Variants in KIAA1217 observed in about 807,000 individuals in gnomAD.
The protein encoded by KIAA1217 is KIAA1217, also known as sickle tail protein homolog.
KIAA1217 carries 88 observed loss-of-function variants against 163.9 expected under a neutral mutation model. The observed-to-expected ratio is 0.54, with a 90% CI of 0.45 to 0.64. KIAA1217 has a LOEUF of 0.64. Ranked by LOEUF, KIAA1217 falls within the 30% of genes least tolerant of loss-of-function variation. The pLI is 0.00. For synonymous variants in KIAA1217, 903 were observed against 923.1 expected (o/e 0.98, Z 0.39); for missense variants, 2,372 against 2,475.0 (o/e 0.96, Z 0.88).
In KIAA1217 at chr10:24,527,925, T is replaced by C. The variant is rs1429806642; in HGVS notation, c.2899-11T>C. 3.1e-6 allele frequency: 5 copies of C among 1,611,500 alleles called. No individual in the cohort carries two copies. Among genetic ancestry groups the C allele is most frequent in the Middle Eastern group, 1.7e-4 (1 of 6,060 alleles). On this transcript the variant is annotated splice_polypyrimidine_tract_variant and intron_variant, in intron 13 of 20. Transcript: ENST00000376454. The stretch of plus-strand genomic sequence containing the variant: ...TCCACGTAACTTCCTTTACGTGCTA[T>C]ATTCCTCCAGAAAGCAGAAAAGAAA...
intron 2 of KIAA1217, among the ~76,000 whole-genome samples, chr10:24,113,960 A>T (rs2062953560): frequency 6.6e-6 from 1 of 152,184 alleles, no homozygotes; most frequent in Non-Finnish European, 1.5e-5. Context: ...GGCCCTTCTA[A>T]TCATGGGAGT....
chr10:24,506,689 TG>T (rs141090597), intron 9 of KIAA1217, among the ~76,000 whole-genome samples: 4 of 152,212 alleles, frequency 2.6e-5, no homozygotes, highest in African/African-American at 9.6e-5. Context: ...CTTAGGAGAA[TG>T]GGGGGAAAAA....
rs562290384 is a variant in KIAA1217, at chr10:24,011,971, G to A, written c.-171+4597G>A. Among the ~76,000 whole-genome samples, 6 of 150,576 alleles carry A rather than the reference G, an allele frequency of 4.0e-5. No homozygotes were observed. The East Asian group carries it at 9.7e-4, about 24-fold the overall frequency. Reference sequence around the variant, plus strand: ...ATCCAATGGCATTATTTCATGTTCAGATGGAAATGACAGTGACATTTCATT... The same window carrying A: ...ATCCAATGGCATTATTTCATGTTCAAATGGAAATGACAGTGACATTTCATT... On this transcript the variant is annotated intron_variant, in intron 2 of 18. Coordinates refer to the KIAA1217 transcript ENST00000376462.
At chr10:23,916,356 C>G (rs1842632326) in intron 1 of KIAA1217, among the ~76,000 whole-genome samples, 1 of 152,196 alleles carries the variant, frequency 6.6e-6, no homozygotes, top group African/African-American at 2.4e-5. Context: ...TACTCTGGCT[C>G]TAAGCAAATC....
At chr10:23,826,159 AT>A (rs898694112) in intron 1 of KIAA1217, among the ~76,000 whole-genome samples, 11 of 151,030 alleles carry the variant, frequency 7.3e-5, no homozygotes, top group Non-Finnish European at 1.5e-4. Flanking sequence ...TTATGTTTGA[AT>A]TTTTTTTTCA....
intron 2 of KIAA1217, among the ~76,000 whole-genome samples, chr10:24,302,652 A>T (rs1345785689): frequency 6.6e-6 from 1 of 152,188 alleles, no homozygotes; most frequent in Non-Finnish European, 1.5e-5. Flanking sequence ...GTGACAGACA[A>T]ACCAATAGAT....
intron 2 of KIAA1217, among the ~76,000 whole-genome samples, chr10:24,334,955 A>G (rs1217903942): frequency 6.6e-6 from 1 of 152,192 alleles, no homozygotes; most frequent in African/African-American, 2.4e-5. Context: ...TTAAATGCAA[A>G]TGGAATCCAC....
intron 1 of KIAA1217, among the ~76,000 whole-genome samples, chr10:23,712,471 A>T (rs1001623415): frequency 6.6e-6 from 1 of 152,006 alleles, no homozygotes; most frequent in Non-Finnish European, 1.5e-5. Context: ...CAGTCAACTC[A>T]GTACAGAAAA....
chr10:23,853,208 G>C (rs888286275), intron 1 of KIAA1217, among the ~76,000 whole-genome samples: 1 of 152,130 alleles, frequency 6.6e-6, no homozygotes, highest in African/African-American at 2.4e-5. Context: ...AATTTTTTGA[G>C]AGTTTTTAGC....
intron 1 of KIAA1217, among the ~76,000 whole-genome samples, chr10:23,803,096 C>A (rs1258839656): frequency 6.6e-6 from 1 of 152,158 alleles, no homozygotes; most frequent in Non-Finnish European, 1.5e-5. Context: ...ACAAGGTGAT[C>A]AAGGACACTT....
At position 24,473,457 on chromosome 10, in the gene KIAA1217, C is replaced by A; in HGVS notation, c.1076C>A (p.Pro359His). The A allele has an allele frequency of 1.2e-6, 2 of 1,614,142 alleles. No homozygotes were observed. The highest frequency in any genetic ancestry group is 1.1e-5 in the South Asian group (1 of 91,078). Residue 359 changes from proline (P) to histidine (H), a missense_variant, in exon 6 of 21, where the codon CCC (proline) becomes CAC (histidine). Physicochemically the swap from Pro to His is moderately conservative, Grantham distance 77. Around this residue, in one of 3 missense-constraint regions of KIAA1217, gnomAD observed 1,431 missense variants for 1,470.3 expected, o/e 0.97. Transcript: ENST00000376454. ...ATCTCCAGCCTGCCAGTCTCCAGAC[C>A]CATCTCTCCAAGCCCAAGCGCCATT... Reference protein sequence around the residue: ...DRISSLPVSRPISPSPSAILE... With the variant: ...DRISSLPVSRHISPSPSAILE...
chr10:24,125,320 CTCTG>C (rs2063429745), intron 2 of KIAA1217, among the ~76,000 whole-genome samples: 2 of 92,176 alleles, frequency 2.2e-5, no homozygotes, highest in East Asian at 2.4e-4. Context: ...GAATCCTATG[CTCTG>C]TGTGTGTGTG....
chr10:24,280,875 C>T (rs1471800737), intron 2 of KIAA1217, among the ~76,000 whole-genome samples: 1 of 151,806 alleles, frequency 6.6e-6, no homozygotes, highest in Non-Finnish European at 1.5e-5. Context: ...ATTTCTCTAC[C>T]TAAGAATATA....
At chr10:24,041,209 G>A (rs779274440) in intron 2 of KIAA1217, among the ~76,000 whole-genome samples, 1 of 152,178 alleles carries the variant, frequency 6.6e-6, no homozygotes, top group African/African-American at 2.4e-5. Context: ...AGGGAACACA[G>A]AATAATCGAG....
intron 1 of KIAA1217, among the ~76,000 whole-genome samples, chr10:23,859,384 G>A (rs965802861): frequency 6.6e-6 from 1 of 152,220 alleles, no homozygotes; most frequent in African/African-American, 2.4e-5. Context: ...TATATGTAAT[G>A]ATAATGGTAA....
chr10:24,353,445 G>GC (rs141776226), intron 2 of KIAA1217, among the ~76,000 whole-genome samples: 7,887 of 152,026 alleles, frequency 0.052, 679 homozygotes, highest in African/African-American at 0.18. Context: ...CTTTATTTTT[G>GC]CCCTTCTCCT....
At chr10:24,060,721 C>T (rs954321526) in intron 2 of KIAA1217, among the ~76,000 whole-genome samples, 1 of 152,176 alleles carries the variant, frequency 6.6e-6, no homozygotes, top group Admixed American at 6.5e-5. Context: ...ATTTGAGCCC[C>T]AGAGTTCCAG....
intron 3 of KIAA1217, among the ~76,000 whole-genome samples, chr10:24,416,527 C>A (rs908358435): frequency 6.6e-6 from 1 of 152,166 alleles, no homozygotes; most frequent in African/African-American, 2.4e-5. Context: ...TGTATATGCC[C>A]ATGTCTAAAT....
intron 1 of KIAA1217, among the ~76,000 whole-genome samples, chr10:23,948,243 C>T (rs76915654): frequency 0.028 from 4,214 of 152,172 alleles, 193 homozygotes; most frequent in African/African-American, 0.095. Context: ...TCTTTAGCCA[C>T]AGAGAGGGGA....
Sources: allele counts gnomAD v4.1 joint callset (sites outside exome capture counted in the v4.1 genomes callset), GRCh38; gene constraint gnomAD v4.1.1; regional missense constraint gnomAD v4.1.1; transcripts MANE v1.5; gene names NCBI Gene and HGNC (gene_info 2026-07-23, HGNC 2026-07-21).